ATG13: variants seen among roughly 807,000 people sequenced by gnomAD.
ATG13 encodes autophagy-related protein 13.
A neutral mutation model predicts 65.5 loss-of-function variants in ATG13; 23 were observed. The ratio of observed to expected loss-of-function variants is 0.35; its 90% confidence interval spans 0.25 to 0.50. The LOEUF (loss-of-function observed/expected upper bound fraction) is 0.50, where lower values mean the gene tolerates loss of function less well. Ranked by LOEUF, ATG13 falls within the 20% of genes least tolerant of loss-of-function variation. The pLI is 0.98. For missense variants in ATG13, 566 were observed against 677.0 expected (o/e 0.84, Z 1.82); for synonymous variants, 252 against 245.2 (o/e 1.03, Z -0.26).
intron 1 of ATG13, among the ~76,000 whole-genome samples, chr11:46,622,076 C>CATATATATAT (rs58391951): frequency 6.4e-4 from 46 of 71,834 alleles, no homozygotes; most frequent in Admixed American, 8.7e-4. Context: ...TATTTATTTA[C>CATATATATAT]ATATATATAT....
chr11:46,669,173 T>C (rs1467343505), intron 17 of ATG13, among the ~76,000 whole-genome samples: 1 of 152,236 alleles, frequency 6.6e-6, no homozygotes, highest in Non-Finnish European at 1.5e-5. Flanking sequence ...TAGGTCCTAT[T>C]CGTGGCTAGG....
At chr11:46,672,110 G>A (rs924150045) in intron 18 of ATG13, 145 bp from the exon 19 acceptor site, 68 of 1,299,804 alleles carry the variant, frequency 5.2e-5, no homozygotes, top group Admixed American at 1.6e-4. Context: ...CTGTGCCTAC[G>A]CAGCTGCCCT....
rs775179435 is a variant in ATG13 at position 46,645,325 on chromosome 11, T to G, written c.70-14T>G. 3.8e-6 allele frequency: 6 copies of G among 1,596,340 alleles called. No individual in the cohort carries two copies. In the South Asian group the frequency reaches 6.9e-5, roughly 18 times the overall value. The stretch of plus-strand genomic sequence containing the variant: ...ATCATTTTAGGATTTCTTTTGTGTT[T>G]TTTTTTTCTTTAGACTGTCCAAGTG... On this transcript the variant is annotated splice_polypyrimidine_tract_variant and intron_variant, in intron 3 of 18. Transcript: ENST00000683050.
At chr11:46,662,852 C>T (rs1308287535) in intron 11 of ATG13, among the ~76,000 whole-genome samples, 1 of 152,228 alleles carries the variant, frequency 6.6e-6, no homozygotes, top group South Asian at 2.1e-4. Context: ...GTTGGTTTTG[C>T]CAACAGTATA....
chr11:46,643,186 C>A (rs1444267584), intron 2 of ATG13, among the ~76,000 whole-genome samples: 1 of 152,122 alleles, frequency 6.6e-6, no homozygotes, highest in Non-Finnish European at 1.5e-5. Context: ...TTTCAAACGG[C>A]TGATTGAGGG....
chr11:46,628,965 CTCACTG>C (rs2050699314), intron 1 of ATG13, among the ~76,000 whole-genome samples: 2 of 147,380 alleles, frequency 1.4e-5, no homozygotes, highest in African/African-American at 5.1e-5. Context: ...GAGACGGAGT[CTCACTG>C]TGTCACCCAG....
At position 46,672,948 on chromosome 11, in the gene ATG13, C is replaced by G. The variant is rs557715099; in HGVS notation, c.*616C>G. 11 of 570,214 alleles carry G rather than the reference C, an allele frequency of 1.9e-5. No homozygotes were observed. The East Asian group carries it at 8.4e-4, about 43-fold the overall frequency. The allele number at this position is 570,214 out of a possible 1,614,324, so 35.3% of individuals were successfully genotyped here. ...GATCAGAACTCCAAAACCACTCCCA[C>G]CCCTGAAGGTCGGGAGGGTCTGAGC... On this transcript the variant is annotated 3_prime_UTR_variant, in exon 19 of 19. Coordinates refer to ENST00000683050, the MANE Select transcript of ATG13 (RefSeq NM_001346311.2).
intron 5 of ATG13, among the ~76,000 whole-genome samples, chr11:46,646,518 C>T (rs2057594658): frequency 6.6e-6 from 1 of 151,886 alleles, no homozygotes; most frequent in Non-Finnish European, 1.5e-5. Context: ...GGCTGGAGTA[C>T]AGTGGCACGA....
intron 1 of ATG13, 100 bp downstream of exon 1, chr11:46,617,990 GGGATTAGCCAC>G: frequency 2.5e-6 from 1 of 398,506 alleles, no homozygotes; most frequent in Non-Finnish European, 4.4e-6. Context: ...GGAAGTAGAA[GGGATTAGCCAC>G]GGTTCAATCC....
chr11:46,668,373 T>C, intron 15 of ATG13, 126 bp from the exon 16 acceptor site: 1 of 923,850 alleles, frequency 1.1e-6, no homozygotes, highest in Non-Finnish European at 1.7e-6. Context: ...GGCAGGAGCC[T>C]AAGGGGCAGC....
chr11:46,655,712 A>G (rs2059909553), intron 7 of ATG13, among the ~76,000 whole-genome samples: 2 of 152,216 alleles, frequency 1.3e-5, no homozygotes, highest in South Asian at 2.1e-4. Context: ...AGAAACTTAA[A>G]TAGCAGTTTC....
intron 10 of ATG13, among the ~76,000 whole-genome samples, chr11:46,658,386 T>C (rs2060451326): frequency 6.6e-6 from 1 of 152,216 alleles, no homozygotes; most frequent in Non-Finnish European, 1.5e-5. Context: ...GCTCCATTAC[T>C]GGCCTGGCTT....
chr11:46,630,837 G>A (rs573361932), intron 2 of ATG13: 1 of 151,830 alleles, frequency 6.6e-6, no homozygotes, highest in Admixed American at 6.6e-5. Context: ...AAGTAGCTGG[G>A]ACCACAGGTG....
At position 46,659,164 on chromosome 11, in the gene ATG13, C is replaced by G. The variant is rs73451873; in HGVS notation, c.696-228C>G. Among the ~76,000 whole-genome samples, 1,313 of 152,280 alleles carry G rather than the reference C, an allele frequency of 8.6e-3. 21 individuals are homozygous for G. The highest frequency in any genetic ancestry group is 0.03 in the African/African-American group (1,256 of 41,550). ...CACTCTAGCCTGGGTGACAGAGTGA[C>G]ACCTTGTCTTAAAAATGAGAAACAA... On this transcript the variant is annotated intron_variant, in intron 10 of 18. Coordinates refer to ENST00000683050, the MANE Select transcript of ATG13 (RefSeq NM_001346311.2).
At chr11:46,625,489 C>G (rs1165186955) in intron 1 of ATG13, 2 of 151,978 alleles carry the variant, frequency 1.3e-5, no homozygotes, top group Non-Finnish European at 2.9e-5. Context: ...ATCTTGAACT[C>G]CTGAGCTCAA....
At chr11:46,663,917 T>G in intron 11 of ATG13, 80 bp from the exon 12 acceptor site, 19 of 1,061,634 alleles carry the variant, frequency 1.8e-5, no homozygotes, top group Non-Finnish European at 2.3e-5. Context: ...CTTCCAGAGT[T>G]TCTTCACTTC....
intron 1 of ATG13, among the ~76,000 whole-genome samples, chr11:46,622,444 T>A (rs574898424): frequency 2.0e-5 from 3 of 152,132 alleles, no homozygotes; most frequent in East Asian, 1.9e-4. Flanking sequence ...TTTTAAATAA[T>A]TTTTTGTTGT....
intron 1 of ATG13, among the ~76,000 whole-genome samples, chr11:46,629,549 A>G (rs946122734): frequency 1.3e-5 from 2 of 151,866 alleles, no homozygotes; most frequent in African/African-American, 4.8e-5. Context: ...GGAGCCCGCC[A>G]TCACGCCCGG....
At chr11:46,625,514 TC>T (rs760282047) in intron 1 of ATG13, 4 of 152,100 alleles carry the variant, frequency 2.6e-5, no homozygotes, top group Non-Finnish European at 5.9e-5. Context: ...TCCTCCTGCC[TC>T]GGCCTCCTAA....
Sources: gnomAD v4.1 joint callset for allele counts (sites outside exome capture counted in the v4.1 genomes callset) on GRCh38, gnomAD v4.1.1 for gene constraint, MANE v1.5 for transcripts, NCBI Gene and HGNC (gene_info 2026-07-23, HGNC 2026-07-21) for gene names.